ATP13A4: variants seen among roughly 807,000 people sequenced by gnomAD.
ATP13A4 encodes the protein ATPase 13A4, also known as probable cation-transporting ATPase 13A4.
In ATP13A4, 114 loss-of-function variants were observed where a neutral mutation model predicts 142.5. The ratio of observed to expected loss-of-function variants is 0.80; its 90% CI spans 0.69 to 0.93. The LOEUF (loss-of-function observed/expected upper bound fraction) is 0.93, where lower values mean the gene tolerates loss of function less well. Among genes scored for constraint, ATP13A4 ranks in the 40% least tolerant of loss-of-function variants. ATP13A4 has a pLI of 0.00. For synonymous variants in ATP13A4, 488 were observed against 514.8 expected, an observed-to-expected ratio of 0.95 and a Z score of 0.70; for missense variants, 1,392 against 1,454.0, an observed-to-expected ratio of 0.96 and a Z score of 0.69.
chr3:193,430,654 A>C (rs1715920638), intron 25 of ATP13A4, among the ~76,000 whole-genome samples: 1 of 152,104 alleles, frequency 6.6e-6, no homozygotes, highest in African/African-American at 2.4e-5. Flanking sequence ...CAAAAGGAAT[A>C]GCCAATGCAA....
intron 8 of ATP13A4, among the ~76,000 whole-genome samples, chr3:193,471,984 C>T (rs1490957965): frequency 6.6e-6 from 1 of 152,106 alleles, no homozygotes; most frequent in Non-Finnish European, 1.5e-5. Context: ...GAAGGGCCCC[C>T]ATGGTGGCAG....
intron 2 of ATP13A4, among the ~76,000 whole-genome samples, chr3:193,508,283 A>T (rs997704743): frequency 1.3e-5 from 2 of 152,224 alleles, no homozygotes; most frequent in Non-Finnish European, 2.9e-5. Flanking sequence ...AGGCAAATAC[A>T]CTGCCCAAGG....
chr3:193,559,074 C>T (rs1332734781), upstream of ATP13A4, among the ~76,000 whole-genome samples: 9 of 152,162 alleles, frequency 5.9e-5, no homozygotes, highest in African/African-American at 9.7e-5. Flanking sequence ...TGATGCTTCA[C>T]TTGTCTGGCC....
chr3:193,492,751 AGAT>A (rs1720013079), intron 5 of ATP13A4, among the ~76,000 whole-genome samples, 163 bp downstream of exon 5: 1 of 152,192 alleles, frequency 6.6e-6, no homozygotes, highest in Non-Finnish European at 1.5e-5. Context: ...GTTGCTGTGA[AGAT>A]GATGTAATAT....
chr3:193,438,191 A>T (rs895372047), intron 23 of ATP13A4, among the ~76,000 whole-genome samples: 1 of 152,170 alleles, frequency 6.6e-6, no homozygotes, highest in African/African-American at 2.4e-5. Context: ...TTACATTTGA[A>T]AAATGGGGAT....
chr3:193,416,066 G>C (rs1490595093), intron 25 of ATP13A4, among the ~76,000 whole-genome samples: 1 of 152,232 alleles, frequency 6.6e-6, no homozygotes, highest in East Asian at 1.9e-4. Flanking sequence ...TTGTTTGTTT[G>C]TTTGTTTTTT....
intron 1 of ATP13A4, among the ~76,000 whole-genome samples, chr3:193,543,167 C>CAAAAAA (rs566660322): frequency 5.2e-5 from 6 of 115,224 alleles, no homozygotes; most frequent in African/African-American, 1.7e-4. Flanking sequence ...GACTCCATCT[C>CAAAAAA]AAAAAAAAAA....
At chr3:193,575,657 C>T (rs1042638699) in intron 2 of ATP13A4, among the ~76,000 whole-genome samples, 16 of 152,218 alleles carry the variant, frequency 1.1e-4, no homozygotes, top group African/African-American at 3.6e-4. Flanking sequence ...ATTAGCAGTC[C>T]CTGGTGCAGT....
intron 2 of ATP13A4, among the ~76,000 whole-genome samples, chr3:193,566,494 G>A (rs950604734): frequency 9.9e-5 from 15 of 152,166 alleles, no homozygotes; most frequent in African/African-American, 3.1e-4. Context: ...CTTTGCTGGG[G>A]CCTCTCAACC....
intron 8 of ATP13A4, among the ~76,000 whole-genome samples, chr3:193,473,075 A>G (rs1040883987): frequency 6.6e-6 from 1 of 152,230 alleles, no homozygotes; most frequent in Non-Finnish European, 1.5e-5. Flanking sequence ...CCTTTCTCCC[A>G]ATAAAAAGGT....
intron 25 of ATP13A4, among the ~76,000 whole-genome samples, chr3:193,433,395 G>A (rs895899878): frequency 2.0e-5 from 3 of 152,122 alleles, no homozygotes; most frequent in Admixed American, 2.0e-4. Context: ...ATTAGAAGGT[G>A]GAGGGTAAGA....
At chr3:193,405,709 T>C (rs1165741666) in intron 29 of ATP13A4, among the ~76,000 whole-genome samples, 1 of 152,106 alleles carries the variant, frequency 6.6e-6, no homozygotes, top group Admixed American at 6.6e-5. Context: ...CTTGAGTCAA[T>C]AAACATCTTT....
At chr3:193,415,478 A>T (rs941002458) in intron 25 of ATP13A4, among the ~76,000 whole-genome samples, 1 of 152,248 alleles carries the variant, frequency 6.6e-6, no homozygotes, top group African/African-American at 2.4e-5. Context: ...TGGCATTTCT[A>T]CTTGCACTTG....
chr3:193,480,265 G>A (rs1366621469), intron 8 of ATP13A4, among the ~76,000 whole-genome samples: 2 of 151,686 alleles, frequency 1.3e-5, no homozygotes, highest in Admixed American at 1.3e-4. Flanking sequence ...AAAGATAAAT[G>A]CATGGTACTT....
intron 8 of ATP13A4, among the ~76,000 whole-genome samples, chr3:193,482,950 A>G (rs1719378646): frequency 6.6e-6 from 1 of 152,230 alleles, no homozygotes; most frequent in South Asian, 2.1e-4. Context: ...CCAAATGATC[A>G]TAACACCATT....
At chr3:193,478,791 C>CA (rs1719120297) in intron 8 of ATP13A4, among the ~76,000 whole-genome samples, 1 of 151,650 alleles carries the variant, frequency 6.6e-6, no homozygotes, top group Non-Finnish European at 1.5e-5. Context: ...ACCCTAATAC[C>CA]AAAACCAGGG....
At chr3:193,587,175 G>GCC (rs764049471) in intron 1 of ATP13A4, among the ~76,000 whole-genome samples, 11 of 152,298 alleles carry the variant, frequency 7.2e-5, no homozygotes, top group Non-Finnish European at 1.0e-4. Context: ...AACTGGGTGG[G>GCC]TTAAAACCAC....
intron 23 of ATP13A4, among the ~76,000 whole-genome samples, chr3:193,436,685 C>T (rs1177190620): frequency 3.3e-5 from 5 of 151,662 alleles, no homozygotes; most frequent in Admixed American, 6.6e-5. Flanking sequence ...CTCCTGACCT[C>T]AAGTGATCCA....
At chr3:193,492,834 T>G in intron 5 of ATP13A4, 83 bp downstream of exon 5, 1 of 1,006,230 alleles carries the variant, frequency 9.9e-7, no homozygotes, top group Non-Finnish European at 1.6e-6. Context: ...ATTAATCCAT[T>G]AAGATAACTA....
Sources: gnomAD v4.1 joint callset for allele counts (sites outside exome capture counted in the v4.1 genomes callset) on GRCh38, gnomAD v4.1.1 for gene constraint, MANE v1.5 for transcripts, NCBI Gene and HGNC (gene_info 2026-07-23, HGNC 2026-07-21) for gene names.